The following CHEK2 variants were observed in gnomAD, a reference collection of about 807,000 sequenced individuals.
CHEK2 encodes the protein checkpoint kinase 2.
A neutral mutation model predicts 69.1 loss-of-function variants in CHEK2; 71 were observed. The observed-to-expected ratio is 1.03, with a 90% CI of 0.85 to 1.25. The LOEUF (loss-of-function observed/expected upper bound fraction) is 1.25, where lower values mean the gene tolerates loss of function less well. Among genes scored for constraint, CHEK2 ranks in the 50% most tolerant of loss-of-function variants. The pLI is 0.00. For missense variants in CHEK2, 664 were observed against 649.6 expected (o/e 1.02, Z -0.24); for synonymous variants, 189 against 226.9 (o/e 0.83, Z 1.50).
intron 13 of CHEK2, among the ~76,000 whole-genome samples, chr22:28,689,713 C>CTGGAT (rs1445438731): frequency 8.0e-4 from 122 of 152,286 alleles, no homozygotes; most frequent in African/African-American, 2.8e-3. Flanking sequence ...TACTTAAGCC[C>CTGGAT]ACAGTATCCC....
At chr22:28,694,266 ACT>A (rs2052479410) in intron 12 of CHEK2, 149 bp from the exon 13 acceptor site, 2 of 680,032 alleles carry the variant, frequency 2.9e-6, no homozygotes, top group Non-Finnish European at 5.4e-6. Flanking sequence ...AATCTTCCTC[ACT>A]CTCTGTATTC....
intron 1 of CHEK2, among the ~76,000 whole-genome samples, chr22:28,736,981 AC>A (rs1217284911): frequency 1.3e-5 from 2 of 152,060 alleles, no homozygotes; most frequent in Non-Finnish European, 2.9e-5. Flanking sequence ...TGATAACAGA[AC>A]CACCAGTAAA....
chr22:28,736,017 C>G (rs1300744862), intron 1 of CHEK2, among the ~76,000 whole-genome samples: 1 of 151,812 alleles, frequency 6.6e-6, no homozygotes, highest in Non-Finnish European at 1.5e-5. Flanking sequence ...TGTTTGAGAC[C>G]CCACCTCTAC....
intron 4 of CHEK2, among the ~76,000 whole-genome samples, chr22:28,721,325 A>AC (rs1267700948): frequency 3.6e-5 from 4 of 111,840 alleles, no homozygotes; most frequent in African/African-American, 1.4e-4. Flanking sequence ...TCGCTCTTGT[A>AC]CCCCAGGCTA....
intron 1 of CHEK2, chr22:28,737,200 A>G: frequency 4.4e-6 from 2 of 450,652 alleles, no homozygotes; most frequent in Non-Finnish European, 9.0e-6. Context: ...CCCTATATAA[A>G]TTATGCACAA....
intron 14 of CHEK2, 147 bp downstream of exon 14, chr22:28,688,988 G>A (rs560254678): frequency 7.6e-6 from 5 of 658,042 alleles, no homozygotes; most frequent in African/African-American, 3.6e-5. Context: ...GTGCTGGAGC[G>A]AATCAAGTTA....
chr22:28,721,062 C>G (rs1296062976), intron 4 of CHEK2, among the ~76,000 whole-genome samples: 1 of 152,162 alleles, frequency 6.6e-6, no homozygotes, highest in Non-Finnish European at 1.5e-5. Context: ...TCTAAGACAT[C>G]TGGATGTTCA....
intron 2 of CHEK2, chr22:28,730,461 A>C (rs1358072566): frequency 8.6e-6 from 6 of 697,742 alleles, no homozygotes; most frequent in Non-Finnish European, 1.6e-5. Flanking sequence ...CACACCTCTT[A>C]TCCCAGCACT....
At chr22:28,718,648 G>A (rs921831800) in intron 5 of CHEK2, among the ~76,000 whole-genome samples, 4 of 151,620 alleles carry the variant, frequency 2.6e-5, no homozygotes, top group South Asian at 2.1e-4. Flanking sequence ...TTGGGAGGCC[G>A]AGATGGGTGG....
At chr22:28,728,912 A>T (rs1294174939) in intron 2 of CHEK2, among the ~76,000 whole-genome samples, 1 of 152,048 alleles carries the variant, frequency 6.6e-6, no homozygotes, top group Non-Finnish European at 1.5e-5. Context: ...TGGGAGGTCA[A>T]GCCTGCAGTG....
At chr22:28,702,340 G>A (rs545544460) in intron 8 of CHEK2, among the ~76,000 whole-genome samples, 6 of 151,086 alleles carry the variant, frequency 4.0e-5, no homozygotes, top group South Asian at 4.2e-4. Context: ...CTGGGTTCAC[G>A]CCATTCTCCT....
At chr22:28,734,886 C>T (rs1299397414) in intron 1 of CHEK2, among the ~76,000 whole-genome samples, 159 bp from the exon 2 acceptor site, 1 of 151,648 alleles carries the variant, frequency 6.6e-6, no homozygotes, top group African/African-American at 2.4e-5. Flanking sequence ...CAGCCCAGAC[C>T]TATAGTTCTT....
chr22:28,703,669 A>G (rs2052990234), intron 7 of CHEK2, 103 bp from the exon 8 acceptor site: 1 of 748,384 alleles, frequency 1.3e-6, no homozygotes, highest in African/African-American at 1.8e-5. Flanking sequence ...GGCCAAGAAC[A>G]GGCATCTGGC....
chr22:28,693,438 G>A (rs1438441078), intron 13 of CHEK2, among the ~76,000 whole-genome samples: 2 of 152,132 alleles, frequency 1.3e-5, no homozygotes, highest in East Asian at 1.9e-4. Context: ...TCTCCCCAGG[G>A]AGGCTGTCCT....
At chr22:28,706,275 T>C (rs2053136577) in intron 7 of CHEK2, among the ~76,000 whole-genome samples, 1 of 150,034 alleles carries the variant, frequency 6.7e-6, no homozygotes, top group African/African-American at 2.5e-5. Flanking sequence ...TGCTCTAGCC[T>C]GGCAACAGAG....
chr22:28,728,754 A>T (rs1272909294), intron 2 of CHEK2, among the ~76,000 whole-genome samples: 1 of 152,138 alleles, frequency 6.6e-6, no homozygotes, highest in African/African-American at 2.4e-5. Context: ...AAATATCCCT[A>T]CAAAGAAAAG....
intron 2 of CHEK2, among the ~76,000 whole-genome samples, chr22:28,726,685 G>C (rs940038213): frequency 6.7e-6 from 1 of 148,288 alleles, no homozygotes; most frequent in Non-Finnish European, 1.5e-5. Context: ...AAGTTCTCGA[G>C]TAATTTTTAA....
chr22:28,733,748 G>A (rs113153427), intron 2 of CHEK2, among the ~76,000 whole-genome samples: 6 of 151,940 alleles, frequency 3.9e-5, no homozygotes, highest in Middle Eastern at 3.4e-3. Context: ...GTGAAACCCC[G>A]TCTCTACTAA....
intron 2 of CHEK2, among the ~76,000 whole-genome samples, chr22:28,733,863 G>T (rs1236189041): frequency 6.6e-6 from 1 of 150,656 alleles, no homozygotes; most frequent in Non-Finnish European, 1.5e-5. Flanking sequence ...AGGCTGCAGT[G>T]AGCCGAGCCG....
Sources: allele counts gnomAD v4.1 joint callset (sites outside exome capture counted in the v4.1 genomes callset), GRCh38; gene constraint gnomAD v4.1.1; transcripts MANE v1.5; gene names NCBI Gene and HGNC (gene_info 2026-07-23, HGNC 2026-07-21).